Variants in NPC1 observed in about 807,000 individuals in gnomAD.
The protein encoded by NPC1 is NPC intracellular cholesterol transporter 1.
NPC1 carries 85 observed loss-of-function variants against 140.4 expected under a neutral mutation model. That is an observed-to-expected ratio of 0.61 (90% CI 0.51 to 0.72). The LOEUF (loss-of-function observed/expected upper bound fraction) is 0.72, where lower values mean the gene tolerates loss of function less well. NPC1 is among the 30% of genes least tolerant of loss of function. NPC1 has a pLI of 0.00. For missense variants in NPC1, 1,504 were observed against 1,623.8 expected (o/e 0.93, Z 1.27); for synonymous variants, 656 against 624.8 (o/e 1.05, Z -0.74).
In NPC1 at chr18:23,540,433, A is replaced by T; in HGVS notation, c.2604+15T>A. On this transcript the variant is annotated intron_variant, in intron 17 of 24. Coordinates refer to ENST00000269228, the MANE Select transcript of NPC1 (RefSeq NM_000271.5). Reference sequence around the variant, plus strand: ...TAAAGAAGTTAAAAAAAAAAAAAAAAGGAAGTCATCTTACATCTGGCATCG... The same window carrying T: ...TAAAGAAGTTAAAAAAAAAAAAAAATGGAAGTCATCTTACATCTGGCATCG... The T allele has an allele frequency of 6.8e-7, 1 of 1,466,308 alleles. No homozygotes were observed. The highest frequency in any genetic ancestry group is 9.5e-7 in the Non-Finnish European group (1 of 1,057,572). The allele number at this position is 1,466,308 out of a possible 1,614,324, so 90.8% of individuals were successfully genotyped here.
intron 24 of NPC1, chr18:23,533,041 C>A: frequency 1.4e-6 from 1 of 719,250 alleles, no homozygotes; most frequent in Non-Finnish European, 1.7e-6. Flanking sequence ...ACTCCTTCAT[C>A]TCAGTGGCAG....
At chr18:23,523,146 T>C (rs2058188377) in intron 1 of NPC1, among the ~76,000 whole-genome samples, 1 of 152,184 alleles carries the variant, frequency 6.6e-6, no homozygotes, top group African/African-American at 2.4e-5. Context: ...CGCCAAAGCT[T>C]GTCTGCCTGG....
At chr18:23,535,730 G>C in intron 21 of NPC1, 30 bp from the exon 22 acceptor site, 1 of 1,449,732 alleles carries the variant, frequency 6.9e-7, no homozygotes, top group Non-Finnish European at 9.7e-7. Flanking sequence ...CCTCATTAAA[G>C]CTCGCTCTCA....
At chr18:23,549,150 A>AG in intron 10 of NPC1, among the ~76,000 whole-genome samples, 1 of 152,204 alleles carries the variant, frequency 6.6e-6, no homozygotes, top group East Asian at 1.9e-4. Context: ...AATTTTGATA[A>AG]ATTCTCCCAA....
chr18:23,573,619 G>A (rs1401354055), intron 1 of NPC1, 45 bp from the exon 2 acceptor site: 5 of 1,613,134 alleles, frequency 3.1e-6, no homozygotes, highest in Middle Eastern at 3.3e-4. Context: ...GGGTCTCAAT[G>A]GTAAATTTCA....
rs373390781 is a variant in NPC1, at chr18:23,556,559, C to T, written c.1010G>A (p.Arg337Gln). The stretch of plus-strand genomic sequence containing the variant: ...GAAAGACCCCCAGCGTGTGAACAGC[C>T]GCCTCAAGCAGCCCTCAAATGCTGC... ...VSAAFEGCLR[R>Q]LFTRWGSFCV... Residue 337 changes from arginine (R) to glutamine (Q), a missense_variant, in exon 8 of 25, where the codon CGG (arginine) becomes CAG (glutamine). Arg to Gln is a conservative substitution (Grantham distance 43, BLOSUM62 1). Coordinates refer to ENST00000269228, the MANE Select transcript of NPC1 (RefSeq NM_000271.5). 1.2e-5 allele frequency: 19 copies of T among 1,614,110 alleles called. No homozygotes were observed. The African/African-American group carries it at 1.3e-4, about 11-fold the overall frequency.
intron 3 of NPC1, among the ~76,000 whole-genome samples, 159 bp from the exon 4 acceptor site, chr18:23,569,157 T>C (rs1482310359): frequency 6.6e-6 from 1 of 152,210 alleles, no homozygotes; most frequent in Non-Finnish European, 1.5e-5. Flanking sequence ...AAACTTCATG[T>C]TAAAATAAAG....
chr18:23,557,159 T>C lies in NPC1; in HGVS notation c.913A>G (p.Ile305Val). Residue 305 changes from isoleucine to valine, a missense_variant, in exon 7 of 25, where the codon ATC becomes GTC. Coordinates refer to ENST00000269228, the MANE Select transcript of NPC1 (RefSeq NM_000271.5). ...KRYFVSEYTP[I>V]DSNIAFSVNA... ...ACAGAAAAAGCTATATTGCTATCGATGGGAGTGTACTCGGAGACAAAATAC... is the reference window on the plus strand; with the variant it reads ...ACAGAAAAAGCTATATTGCTATCGACGGGAGTGTACTCGGAGACAAAATAC... 6.2e-7 allele frequency: 1 copy of C among 1,613,804 alleles called. No homozygotes were observed. Among genetic ancestry groups the C allele is most frequent in the South Asian group, 1.1e-5 (1 of 91,084 alleles).
rs1555634625 is a variant in NPC1 at position 23,544,944 on chromosome 18, C to CCCCA, written c.1947+15_1947+16insTGGG. 4.5e-5 allele frequency: 38 copies of CCCCA among 850,738 alleles called. No homozygotes were observed. Among genetic ancestry groups the CCCCA allele is most frequent in the African/African-American group, 2.1e-4 (7 of 32,578 alleles). 52.7% of individuals were successfully genotyped at this position (850,738 alleles called of 1,614,324 possible). A position where few individuals can be genotyped will look rare whatever the true frequency, so the allele number is the denominator to read the frequency against. On this transcript the variant is annotated intron_variant, in intron 12 of 24. Transcript: ENST00000269228. The stretch of plus-strand genomic sequence containing the variant: ...CTGTTAACCTCTAGAACATACACCA[C>CCCCA]CCCCCCCCGGCTTACCAGAAGCCTG...
intron 7 of NPC1, 110 bp from the exon 8 acceptor site, chr18:23,556,723 C>G: frequency 6.6e-7 from 1 of 1,526,314 alleles, no homozygotes; most frequent in Non-Finnish European, 8.9e-7. Flanking sequence ...TCAAGCCCAC[C>G]TGGGGACACA....
intron 19 of NPC1, among the ~76,000 whole-genome samples, chr18:23,539,082 T>TC (rs1180980616): frequency 6.6e-6 from 1 of 152,090 alleles, no homozygotes; most frequent in Non-Finnish European, 1.5e-5. Flanking sequence ...TGAGAGGCAA[T>TC]CGCTGGAGTT....
chr18:23,520,302 T>A, downstream of NPC1: 1 of 1,613,484 alleles, frequency 6.2e-7, no homozygotes, highest in Non-Finnish European at 8.5e-7. Flanking sequence ...CCCTATCAGA[T>A]CCCCATCACA....
intron 19 of NPC1, 98 bp downstream of exon 19, chr18:23,539,257 C>CAA: frequency 1.3e-6 from 1 of 798,784 alleles, no homozygotes; most frequent in Non-Finnish European, 2.2e-6. Flanking sequence ...CTTTGATATA[C>CAA]AAATAGGTAT....
At position 23,568,860 on chromosome 18, in the gene NPC1, T is replaced by C; in HGVS notation, c.426A>G (p.Lys142=). The C allele has an allele frequency of 6.2e-7, 1 of 1,614,138 alleles. No individual in the cohort carries two copies. Among genetic ancestry groups the C allele is most frequent in the Non-Finnish European group, 8.5e-7 (1 of 1,179,970 alleles). Reference sequence around the variant, plus strand: ...TCTGTCCGACGTAGTATTGTAACTCTTTCACATTTGTTTTCGTCTGGTTTG... The same window carrying C: ...TCTGTCCGACGTAGTATTGTAACTCCTTCACATTTGTTTTCGTCTGGTTTG... ...PVTNQTKTNV[K]ELQYYVGQSF... Residue 142 remains lysine (K), a synonymous_variant, in exon 4 of 25, where the codon AAA becomes AAG. Transcript: ENST00000269228.
At chr18:23,542,404 G>A (rs2058725658) in intron 14 of NPC1, among the ~76,000 whole-genome samples, 1 of 152,050 alleles carries the variant, frequency 6.6e-6, no homozygotes, top group African/African-American at 2.4e-5. Context: ...ACCTTACAAT[G>A]GCCCTGATTA....
Position 23,538,434 on chromosome 18 carries a change from C to T in NPC1, c.3041+108G>A, listed in dbSNP as rs535608077. ...ACCAAAGGACCAGGACAGGGTGGGG[C>T]GGAGAAGAGACGTTCCCATGCAACT... On this transcript the variant is annotated intron_variant, in intron 20 of 24. Coordinates refer to ENST00000269228, the MANE Select transcript of NPC1 (RefSeq NM_000271.5). 1.3e-5 allele frequency: 18 copies of T among 1,348,678 alleles called. No individual in the cohort carries two copies. The East Asian group carries it at 1.6e-4, about 12-fold the overall frequency. 83.5% of individuals were successfully genotyped at this position (1,348,678 alleles called of 1,614,324 possible).
chr18:23,584,546 TA>T (rs1244552550), intron 1 of NPC1, among the ~76,000 whole-genome samples: 1 of 152,152 alleles, frequency 6.6e-6, no homozygotes, highest in Non-Finnish European at 1.5e-5. Context: ...ACTTGAGATT[TA>T]AAAAATACTT....
intron 24 of NPC1, among the ~76,000 whole-genome samples, chr18:23,532,543 A>G (rs985342653): frequency 5.3e-5 from 8 of 152,164 alleles, no homozygotes; most frequent in Non-Finnish European, 7.3e-5. Context: ...GGCTCAAGCA[A>G]GCTTCCTGCC....
downstream of NPC1, among the ~76,000 whole-genome samples, chr18:23,519,734 C>T (rs753698166): frequency 5.9e-5 from 9 of 152,162 alleles, no homozygotes; most frequent in Admixed American, 1.3e-4. Flanking sequence ...CTCCATTCCA[C>T]GAGTACTTGA....
Sources: allele counts gnomAD v4.1 joint callset (sites outside exome capture counted in the v4.1 genomes callset), GRCh38; gene constraint gnomAD v4.1.1; transcripts MANE v1.5; gene names NCBI Gene and HGNC (gene_info 2026-07-23, HGNC 2026-07-21).